Variants in SV2B observed in about 807,000 individuals in gnomAD.
The protein encoded by SV2B is solute carrier family 22 member B2.
A neutral mutation model predicts 73.9 loss-of-function variants in SV2B; 41 were observed. The observed-to-expected ratio is 0.56, with a 90% CI of 0.43 to 0.72. The LOEUF (loss-of-function observed/expected upper bound fraction) is 0.72, where lower values mean the gene tolerates loss of function less well. SV2B is among the 30% of genes least tolerant of loss of function. The pLI, the probability that SV2B is intolerant of heterozygous loss-of-function variation, is 0.00. For missense variants in SV2B, 764 were observed against 857.8 expected, an observed-to-expected ratio of 0.89 and a Z score of 1.37; for synonymous variants, 314 against 314.2, an observed-to-expected ratio of 1.00 and a Z score of 0.01.
intron 1 of SV2B, among the ~76,000 whole-genome samples, chr15:91,174,773 G>T (rs768213369): frequency 6.6e-6 from 1 of 152,182 alleles, no homozygotes; most frequent in Non-Finnish European, 1.5e-5. Context: ...AGACGGTTCA[G>T]GCCACTCCTG....
At chr15:91,114,063 G>C (rs1262930030) in intron 1 of SV2B, among the ~76,000 whole-genome samples, 1 of 151,680 alleles carries the variant, frequency 6.6e-6, no homozygotes, top group African/African-American at 2.4e-5. Flanking sequence ...GCCTTAAAGA[G>C]ACCCCAGCTA....
At chr15:91,275,274 T>A (rs1158843913) in intron 9 of SV2B, among the ~76,000 whole-genome samples, 1 of 152,204 alleles carries the variant, frequency 6.6e-6, no homozygotes, top group Non-Finnish European at 1.5e-5. Context: ...GGTATATTAC[T>A]TATTCCTCTT....
chr15:91,136,017 AT>A lies in SV2B; in HGVS notation c.-392+35664del, dbSNP rs144405941. Among the ~76,000 whole-genome samples, 2,029 of 150,168 alleles carry A rather than the reference AT, an allele frequency of 0.014. 43 individuals carry two copies. Among genetic ancestry groups the A allele is most frequent in the African/African-American group, 0.047 (1,916 of 41,086 alleles). On this transcript the variant is annotated intron_variant, in intron 1 of 12. Coordinates refer to ENST00000394232, the MANE Select transcript of SV2B (RefSeq NM_001323032.3). This position sits in a 1 kb window ranked among gnomAD's most constrained non-coding sequence, Gnocchi z 5.6. ...GCCTCTTCCCCAACACACACACTTGATTTTTTTTTTGGCATGTGTAGATATG... is the reference window on the plus strand; with the variant it reads ...GCCTCTTCCCCAACACACACACTTGATTTTTTTTTGGCATGTGTAGATATG...
chr15:91,220,346 C>T lies in SV2B; in HGVS notation c.-391-5527C>T, dbSNP rs1193105266. Among the ~76,000 whole-genome samples, 1 of 152,158 alleles carries T rather than the reference C, an allele frequency of 6.6e-6. No homozygotes were observed. The highest frequency in any genetic ancestry group is 1.5e-5 in the Non-Finnish European group (1 of 68,030). ...CTGTGGGGTCAAGCAGGTTTTTGTT[C>T]AGGTCTTCTCATAGCCTTTAATATA... is the stretch of plus-strand genomic sequence containing the variant. On this transcript the variant is annotated intron_variant, in intron 1 of 12. Transcript: ENST00000394232. This position sits in a 1 kb window ranked among gnomAD's most constrained non-coding sequence, Gnocchi z 4.1.
At position 91,253,373 on chromosome 15, in the gene SV2B, A is replaced by C. The variant is rs1485038801; in HGVS notation, c.784+853A>C. On this transcript the variant is annotated intron_variant, in intron 4 of 12. Transcript: ENST00000394232. The surrounding 1 kb of genome is among the most constrained non-coding windows in gnomAD (Gnocchi z 5.0). Reference sequence around the variant, plus strand: ...CTGACTGATAGTTTACCACCTATTTATTGTCTTGTTTTAAATATGACCCTC... The same window carrying C: ...CTGACTGATAGTTTACCACCTATTTCTTGTCTTGTTTTAAATATGACCCTC... 2.0e-5 allele frequency among the ~76,000 whole-genome samples: 3 copies of C among 152,114 alleles called. No individual in the cohort carries two copies. Among genetic ancestry groups the C allele is most frequent in the Non-Finnish European group, 2.9e-5 (2 of 68,008 alleles).
Position 91,253,302 on chromosome 15 carries a change from T to G in SV2B, c.784+782T>G, listed in dbSNP as rs1234248371. The stretch of plus-strand genomic sequence containing the variant: ...TATGAGTATAGGTTCAGCAGTGGTT[T>G]AGAATCCTCAGACCCCGAGGGGGTA... On this transcript the variant is annotated intron_variant, in intron 4 of 12. Coordinates refer to ENST00000394232, the MANE Select transcript of SV2B (RefSeq NM_001323032.3). The surrounding 1 kb of genome is among the most constrained non-coding windows in gnomAD (Gnocchi z 5.0). 1.3e-5 allele frequency among the ~76,000 whole-genome samples: 2 copies of G among 152,232 alleles called. No homozygotes were observed. The highest frequency in any genetic ancestry group is 1.3e-4 in the Admixed American group (2 of 15,282).
In SV2B at chr15:91,141,109, A is replaced by G. The variant is rs1264189232; in HGVS notation, c.-392+40746A>G. Among the ~76,000 whole-genome samples, 1 of 152,228 alleles carries G rather than the reference A, an allele frequency of 6.6e-6. No homozygotes were observed. Among genetic ancestry groups the G allele is most frequent in the African/African-American group, 2.4e-5 (1 of 41,462 alleles). ...TTAAACCCCACTTCTGGAACTGGCT[A>G]CATTCTTTGGAGACCATTTTTTAAA... On this transcript the variant is annotated intron_variant, in intron 1 of 12. Coordinates refer to ENST00000394232, the MANE Select transcript of SV2B (RefSeq NM_001323032.3). The surrounding 1 kb of genome is among the most constrained non-coding windows in gnomAD (Gnocchi z 4.6).
intron 1 of SV2B, among the ~76,000 whole-genome samples, chr15:91,104,201 AG>A (rs1299098463): frequency 1.3e-5 from 2 of 152,198 alleles, no homozygotes; most frequent in East Asian, 3.8e-4. Context: ...GTAGTTCTGC[AG>A]TTCTGAGTTG....
At chr15:91,250,361 T>C (rs1014457716) in intron 2 of SV2B, among the ~76,000 whole-genome samples, 1 of 152,120 alleles carries the variant, frequency 6.6e-6, no homozygotes, top group Non-Finnish European at 1.5e-5. Flanking sequence ...GAAGGCCACA[T>C]ATGGCAAGCC....
chr15:91,278,678 CAAAAAA>C (rs746732650), intron 9 of SV2B, among the ~76,000 whole-genome samples: 2 of 42,442 alleles, frequency 4.7e-5, no homozygotes, highest in Admixed American at 2.3e-4. Flanking sequence ...GACTCCGTCT[CAAAAAA>C]AAAAAAAAAA....
chr15:91,187,390 C>G (rs2044814392), intron 1 of SV2B, among the ~76,000 whole-genome samples: 1 of 152,156 alleles, frequency 6.6e-6, no homozygotes, highest in African/African-American at 2.4e-5. Flanking sequence ...GGCAGCAGAA[C>G]AAGAGAACAT....
rs1229214779 is a variant in SV2B at position 91,302,059 on chromosome 15, T to G, written c.*9507T>G. Among the ~76,000 whole-genome samples, 1 of 152,182 alleles carries G rather than the reference T, an allele frequency of 6.6e-6. No individual in the cohort carries two copies. Among genetic ancestry groups the G allele is most frequent in the Non-Finnish European group, 1.5e-5 (1 of 68,032 alleles). ...GGCCACTAGGCCAATATTAACCAAA[T>G]TATTATAGACACCATCTTAATGTAG... On this transcript the variant is annotated 3_prime_UTR_variant, in exon 13 of 13. Transcript: ENST00000394232.
At chr15:91,204,705 G>T (rs370371363) in intron 1 of SV2B, among the ~76,000 whole-genome samples, 5 of 151,964 alleles carry the variant, frequency 3.3e-5, no homozygotes, top group African/African-American at 1.2e-4. Flanking sequence ...CTACAGACAT[G>T]AGTCACCATG....
chr15:91,233,869 C>T (rs62026591), intron 2 of SV2B, among the ~76,000 whole-genome samples: 12,946 of 152,180 alleles, frequency 0.085, 770 homozygotes, highest in Middle Eastern at 0.13. Context: ...TGAGGCACAA[C>T]GTGTGGACCA....
chr15:91,221,858 C>T (rs1246233375), intron 1 of SV2B, among the ~76,000 whole-genome samples: 8 of 152,198 alleles, frequency 5.3e-5, no homozygotes. Flanking sequence ...TCCAGTTTAA[C>T]AACCTTCACT....
chr15:91,125,211 G>A (rs1372021155), intron 1 of SV2B, among the ~76,000 whole-genome samples: 1 of 152,162 alleles, frequency 6.6e-6, no homozygotes, highest in Non-Finnish European at 1.5e-5. Flanking sequence ...TCTTTTGAAA[G>A]GCTTTATCCA....
At chr15:91,103,056 T>C (rs2041780561) in intron 1 of SV2B, among the ~76,000 whole-genome samples, 2 of 152,230 alleles carry the variant, frequency 1.3e-5, no homozygotes, top group Admixed American at 1.3e-4. Context: ...AGATATTGCC[T>C]CTTAGGATTC....
At chr15:91,162,186 A>C (rs1219219442) in intron 1 of SV2B, among the ~76,000 whole-genome samples, 1 of 152,154 alleles carries the variant, frequency 6.6e-6, no homozygotes, top group African/African-American at 2.4e-5. Flanking sequence ...ACTGGATAAT[A>C]ATAGCTATTA....
At chr15:91,104,368 G>T (rs2041819619) in intron 1 of SV2B, among the ~76,000 whole-genome samples, 1 of 152,202 alleles carries the variant, frequency 6.6e-6, no homozygotes, top group Non-Finnish European at 1.5e-5. Flanking sequence ...ATGTTCACAT[G>T]GTAGTGGCAG....
Sources: allele counts gnomAD v4.1 joint callset (sites outside exome capture counted in the v4.1 genomes callset), GRCh38; gene constraint gnomAD v4.1.1; non-coding constraint Gnocchi (gnomAD v3.1); transcripts MANE v1.5; gene names NCBI Gene and HGNC (gene_info 2026-07-23, HGNC 2026-07-21).